RSRC1: variants seen among roughly 807,000 people sequenced by gnomAD.
RSRC1 encodes the protein arginine and serine rich coiled-coil 1, also known as serine/Arginine-related protein 53.
In RSRC1, 39 loss-of-function variants were observed where a neutral mutation model predicts 49.1. That is an observed-to-expected ratio of 0.79 (90% CI 0.61 to 1.04). The LOEUF is 1.04. Ranked by LOEUF, RSRC1 falls within the 50% of genes least tolerant of loss-of-function variation. The pLI is 0.00. For missense variants in RSRC1, 388 were observed against 402.4 expected (o/e 0.96, Z 0.31); for synonymous variants, 143 against 130.8 (o/e 1.09, Z -0.63).
At chr3:158,137,874 G>A (rs1330186410) in intron 3 of RSRC1, among the ~76,000 whole-genome samples, 1 of 151,976 alleles carries the variant, frequency 6.6e-6, no homozygotes, top group African/African-American at 2.4e-5. Context: ...GACTGGTCTC[G>A]AATTCCTGAC....
chr3:158,149,659 T>A (rs1250693359), intron 3 of RSRC1, among the ~76,000 whole-genome samples: 1 of 152,226 alleles, frequency 6.6e-6, no homozygotes, highest in Admixed American at 6.5e-5. Context: ...GTGAACATGA[T>A]GCTATAGGTA....
At chr3:158,509,847 C>A (rs9681065) in intron 7 of RSRC1, among the ~76,000 whole-genome samples, 4 of 151,958 alleles carry the variant, frequency 2.6e-5, no homozygotes, top group African/African-American at 9.7e-5. Context: ...TGTTGATGCA[C>A]GTTTGGTTAT....
At chr3:158,367,525 G>A (rs1181674202) in intron 6 of RSRC1, among the ~76,000 whole-genome samples, 2 of 152,062 alleles carry the variant, frequency 1.3e-5, no homozygotes, top group Non-Finnish European at 1.5e-5. Flanking sequence ...ATGTGTTGCT[G>A]GATTCAGTTT....
intron 6 of RSRC1, among the ~76,000 whole-genome samples, chr3:158,440,560 C>T (rs1736327011): frequency 6.6e-6 from 1 of 151,958 alleles, no homozygotes; most frequent in Non-Finnish European, 1.5e-5. Context: ...ATAAATCTCC[C>T]AATTTCTGCT....
intron 6 of RSRC1, among the ~76,000 whole-genome samples, chr3:158,367,257 A>T (rs962256127): frequency 2.6e-5 from 4 of 152,076 alleles, no homozygotes; most frequent in African/African-American, 9.7e-5. Flanking sequence ...ATTCAGTATG[A>T]TATTGGCTGT....
At chr3:158,135,527 G>C (rs1159554933) in intron 3 of RSRC1, among the ~76,000 whole-genome samples, 1 of 151,022 alleles carries the variant, frequency 6.6e-6, no homozygotes, top group African/African-American at 2.4e-5. Flanking sequence ...TGATCTACAC[G>C]CCTAGGCCTC....
At chr3:158,477,447 C>T (rs1371460443) in intron 7 of RSRC1, among the ~76,000 whole-genome samples, 1 of 152,060 alleles carries the variant, frequency 6.6e-6, no homozygotes, top group African/African-American at 2.4e-5. Context: ...CAGTGAGCAG[C>T]CATCACCACT....
chr3:158,476,768 C>T (rs1299239302), intron 7 of RSRC1, among the ~76,000 whole-genome samples: 1 of 152,152 alleles, frequency 6.6e-6, no homozygotes, highest in East Asian at 1.9e-4. Flanking sequence ...GAACTAATTT[C>T]AACTTTTCAA....
intron 6 of RSRC1, among the ~76,000 whole-genome samples, chr3:158,434,743 G>A (rs1735956153): frequency 6.6e-6 from 1 of 151,892 alleles, no homozygotes; most frequent in South Asian, 2.1e-4. Flanking sequence ...CACTAACATT[G>A]ACTTTTCATC....
chr3:158,306,974 A>G (rs1338647465), intron 5 of RSRC1, among the ~76,000 whole-genome samples: 1 of 90,270 alleles, frequency 1.1e-5, no homozygotes, highest in Non-Finnish European at 2.1e-5. Flanking sequence ...TTGTTTAGTA[A>G]GTTATCAAAG....
At chr3:158,308,065 T>G (rs1196169601) in intron 5 of RSRC1, among the ~76,000 whole-genome samples, 1 of 151,956 alleles carries the variant, frequency 6.6e-6, no homozygotes, top group Non-Finnish European at 1.5e-5. Flanking sequence ...ATAATTTGGA[T>G]TGACTGTTGT....
chr3:158,302,057 C>CGT (rs1559983695), intron 5 of RSRC1, among the ~76,000 whole-genome samples: 7 of 143,722 alleles, frequency 4.9e-5, no homozygotes. Context: ...TTTTGTTTTC[C>CGT]TTTTTTTTTG....
chr3:158,352,637 C>T (rs1730939505), intron 5 of RSRC1, among the ~76,000 whole-genome samples: 1 of 152,156 alleles, frequency 6.6e-6, no homozygotes, highest in Admixed American at 6.5e-5. Context: ...CTGCTTGAAT[C>T]TGGCCCGTAA....
At chr3:158,444,822 C>T (rs1242737401) in intron 6 of RSRC1, among the ~76,000 whole-genome samples, 1 of 151,824 alleles carries the variant, frequency 6.6e-6, no homozygotes, top group Non-Finnish European at 1.5e-5. Flanking sequence ...AAAAAAACAA[C>T]CCCATCAACA....
At chr3:158,118,778 C>T (rs1476624246) in intron 1 of RSRC1, among the ~76,000 whole-genome samples, 1 of 152,014 alleles carries the variant, frequency 6.6e-6, no homozygotes, top group Admixed American at 6.6e-5. Context: ...ACAGTTGTAA[C>T]CTGTATTTAA....
chr3:158,315,274 A>G (rs1285487692), intron 5 of RSRC1, among the ~76,000 whole-genome samples: 1 of 152,214 alleles, frequency 6.6e-6, no homozygotes, highest in Admixed American at 6.5e-5. Flanking sequence ...CAACAACATT[A>G]TGAGATAGGC....
At chr3:158,523,897 T>A (rs1711851751) in intron 7 of RSRC1, among the ~76,000 whole-genome samples, 1 of 152,052 alleles carries the variant, frequency 6.6e-6, no homozygotes, top group Admixed American at 6.6e-5. Context: ...TCTTTGGCCC[T>A]CCAGAAAGCT....
At chr3:158,124,314 A>G (rs1443068444) in intron 3 of RSRC1, among the ~76,000 whole-genome samples, 7 of 152,198 alleles carry the variant, frequency 4.6e-5, no homozygotes, top group African/African-American at 2.4e-5. Context: ...TTCCCCAGAC[A>G]TGAGTTTACT....
intron 4 of RSRC1, among the ~76,000 whole-genome samples, chr3:158,284,278 A>C (rs1244032771): frequency 6.6e-6 from 1 of 151,676 alleles, no homozygotes; most frequent in African/African-American, 2.4e-5. Context: ...ACATTTTCTT[A>C]ATCCAGTCTA....
Sources: gnomAD v4.1 joint callset for allele counts (sites outside exome capture counted in the v4.1 genomes callset) on GRCh38, gnomAD v4.1.1 for gene constraint, MANE v1.5 for transcripts, NCBI Gene and HGNC (gene_info 2026-07-23, HGNC 2026-07-21) for gene names.